The following IBTK variants were observed in gnomAD, a reference collection of about 807,000 sequenced individuals.
IBTK encodes inhibitor of Bruton tyrosine kinase.
Under a neutral mutation model 154.9 loss-of-function variants are expected in IBTK, and 83 were observed. The ratio of observed to expected loss-of-function variants is 0.54; its 90% CI spans 0.45 to 0.64. The LOEUF is 0.64. Among genes scored for constraint, IBTK ranks in the 30% least tolerant of loss-of-function variants. The pLI, the probability that IBTK is intolerant of heterozygous loss-of-function variation, is 0.00. For synonymous variants in IBTK, 515 were observed against 536.1 expected, an observed-to-expected ratio of 0.96 and a Z score of 0.54; for missense variants, 1,332 against 1,584.6, an observed-to-expected ratio of 0.84 and a Z score of 2.71.
intron 25 of IBTK, among the ~76,000 whole-genome samples, chr6:82,189,608 AAC>A (rs1410136986): frequency 6.6e-6 from 1 of 152,168 alleles, no homozygotes; most frequent in African/African-American, 2.4e-5. Flanking sequence ...CCTGCAAGAC[AAC>A]AGTTAAAGAA....
At chr6:82,197,224 A>G (rs1769023933) in intron 21 of IBTK, among the ~76,000 whole-genome samples, 2 of 152,216 alleles carry the variant, frequency 1.3e-5, no homozygotes, top group African/African-American at 4.8e-5. Context: ...TAAAAGCTGT[A>G]TAATTGATTT....
rs1300866012 is a variant in IBTK at position 82,210,859 on chromosome 6, C to T, written c.2464G>A (p.Val822Ile). The change falls in exon 16 of 29, where the codon GTT (valine) becomes ATT (isoleucine). Residue 822 changes from valine (V) to isoleucine (I), a missense_variant. This residue lies in a region of IBTK where 1,134 missense variants were observed against 1,274.7 expected (regional missense o/e 0.89). Transcript: ENST00000306270. Reference sequence around the variant, plus strand: ...TCAGTATAGAGGTAGTCCAAAATAACTTTTAATATATCAGAATGTATTGGC... The same window carrying T: ...TCAGTATAGAGGTAGTCCAAAATAATTTTTAATATATCAGAATGTATTGGC... Reference protein sequence around the residue: ...EMPIHSDILKVILDYLYTDEA... With the variant: ...EMPIHSDILKIILDYLYTDEA... 2.5e-6 allele frequency: 4 copies of T among 1,579,720 alleles called. No individual in the cohort carries two copies. The highest frequency in any genetic ancestry group is 1.2e-5 in the South Asian group (1 of 85,082).
chr6:82,188,806 G>A (rs539745475), intron 25 of IBTK, among the ~76,000 whole-genome samples: 69 of 152,262 alleles, frequency 4.5e-4, no homozygotes, highest in Non-Finnish European at 9.6e-4. Flanking sequence ...GAGGCAGGCA[G>A]ATCACTTGAG....
chr6:82,176,747 T>C (rs1440326520), intron 26 of IBTK, among the ~76,000 whole-genome samples: 1 of 152,238 alleles, frequency 6.6e-6, no homozygotes, highest in African/African-American at 2.4e-5. Context: ...AATCACATTT[T>C]CTAGAACTAA....
rs1770329889 is a variant in IBTK, at chr6:82,227,213, A to G, written c.633T>C (p.His211=). The G allele has an allele frequency of 6.2e-7, 1 of 1,610,714 alleles. No homozygotes were observed. Among genetic ancestry groups the G allele is most frequent in the African/African-American group, 1.3e-5 (1 of 74,820 alleles). Residue 211 remains histidine, a synonymous_variant, in exon 5 of 29, where the codon CAT becomes CAC. Transcript: ENST00000306270. ...CGHGPGGRLG[H]GDEQTCLVPR... ...TTACCAAGCATGTCTGTTCATCTCCATGTCCTAATCGCCCTCCAGGACCAT... is the reference window on the plus strand; with the variant it reads ...TTACCAAGCATGTCTGTTCATCTCCGTGTCCTAATCGCCCTCCAGGACCAT...
In IBTK at chr6:82,237,661, G is replaced by GGTA. The variant is rs34696525; in HGVS notation, c.321+2502_321+2504dup. On this transcript the variant is annotated intron_variant, in intron 2 of 28. Transcript: ENST00000306270. ...AGTAGTAGTAGTAGAAGATAGTAGT[G>GGTA]GTAGTAGTAGTAGTAGTAGTAGTAG... is the stretch of plus-strand genomic sequence containing the variant. Among the ~76,000 whole-genome samples the GGTA allele has an allele frequency of 7.9e-3, 1,136 of 143,650 alleles. 10 individuals are homozygous for GGTA. Among genetic ancestry groups the GGTA allele is most frequent in the Middle Eastern group, 0.026 (7 of 272 alleles). 94.2% of individuals were successfully genotyped at this position (143,650 alleles called of 152,430 possible). A position where few individuals can be genotyped will look rare whatever the true frequency, so the allele number is the denominator to read the frequency against.
chr6:82,217,575 T>C (rs1056963099), intron 10 of IBTK, among the ~76,000 whole-genome samples: 3 of 152,128 alleles, frequency 2.0e-5, no homozygotes, highest in African/African-American at 4.8e-5. Context: ...ATAAAAGAAA[T>C]ACAAGTAAAT....
At chr6:82,176,521 C>CG (rs1768122284) in intron 26 of IBTK, among the ~76,000 whole-genome samples, 1 of 61,486 alleles carries the variant, frequency 1.6e-5, no homozygotes, top group African/African-American at 6.2e-5. Context: ...GAGTCCGTCT[C>CG]AAAAAAAAAA....
intron 1 of IBTK, among the ~76,000 whole-genome samples, chr6:82,243,003 A>G (rs1771010498): frequency 6.6e-6 from 1 of 152,152 alleles, no homozygotes; most frequent in Admixed American, 6.5e-5. Flanking sequence ...GCACTTTGGG[A>G]GGCCAAGGCA....
At chr6:82,243,941 G>T (rs1351235375) in intron 1 of IBTK, among the ~76,000 whole-genome samples, 2 of 152,164 alleles carry the variant, frequency 1.3e-5, no homozygotes, top group African/African-American at 4.8e-5. Flanking sequence ...CTATCATATA[G>T]AGAAAGCGGC....
At chr6:82,191,043 ATATTAAT>A in intron 25 of IBTK, 23 bp downstream of exon 25, 1 of 1,463,126 alleles carries the variant, frequency 6.8e-7, no homozygotes, top group South Asian at 1.4e-5. Flanking sequence ...GCACAAATCT[ATATTAAT>A]TTTAATAAAA....
At chr6:82,209,303 A>T (rs1261976654) in intron 16 of IBTK, among the ~76,000 whole-genome samples, 1 of 152,244 alleles carries the variant, frequency 6.6e-6, no homozygotes, top group African/African-American at 2.4e-5. Context: ...CTAATAGACA[A>T]GAGGTAAAAA....
At position 82,247,683 on chromosome 6, in the gene IBTK, C is replaced by A. The variant is rs1199246644; in HGVS notation, c.-479G>T. ...GGCGCCAGAGGGGCCAGTCCCCAGA[C>A]CCGGGTCAGTTCGGCAGGCGGCTGC... On this transcript the variant is annotated 5_prime_UTR_variant, in exon 1 of 29. Coordinates refer to ENST00000306270, the MANE Select transcript of IBTK (RefSeq NM_015525.4). 6.8e-5 allele frequency: 27 copies of A among 398,920 alleles called. No homozygotes were observed. In the East Asian group the frequency reaches 9.3e-4, roughly 14 times the overall value. The allele number at this position is 398,920 out of a possible 1,614,324, so 24.7% of individuals were successfully genotyped here.
chr6:82,225,663 A>T lies in IBTK; in HGVS notation c.655-16T>A, dbSNP rs1275125103. ...GCCGAGGGACCTACAAAATAAAATT[A>T]ACTTTAGTATACTACATTAACCATT... On this transcript the variant is annotated splice_polypyrimidine_tract_variant and intron_variant, in intron 5 of 28. Coordinates refer to ENST00000306270, the MANE Select transcript of IBTK (RefSeq NM_015525.4). 6.3e-7 allele frequency: 1 copy of T among 1,588,922 alleles called. No individual in the cohort carries two copies. The highest frequency in any genetic ancestry group is 1.4e-5 in the African/African-American group (1 of 69,858).
chr6:82,220,682 C>T lies in IBTK; in HGVS notation c.1156G>A (p.Gly386Arg). 1.3e-6 allele frequency: 2 copies of T among 1,597,924 alleles called. No individual in the cohort carries two copies. The highest frequency in any genetic ancestry group is 1.7e-6 in the Non-Finnish European group (2 of 1,174,546). Residue 386 changes from glycine to arginine, a missense_variant, in exon 9 of 29, where the codon GGG (glycine) becomes AGG (arginine). Physicochemically the swap from Gly to Arg is moderately radical, Grantham distance 125 (BLOSUM62 -2). Transcript: ENST00000306270. ...QLNLKKVLVSGGHMEYKVDPE... is the reference protein window; with the variant it reads ...QLNLKKVLVSRGHMEYKVDPE... ...TCAACCTTGTATTCCATATGACCCC[C>T]AGACACAAGAACTTTTTTCAAGTTC...
At chr6:82,175,135 T>C (rs994168564) in intron 26 of IBTK, 2 of 279,082 alleles carry the variant, frequency 7.2e-6, no homozygotes, top group Non-Finnish European at 1.4e-5. Flanking sequence ...CCAGAATACT[T>C]GGAAATAGTC....
chr6:82,229,925 T>C (rs1468235534), intron 4 of IBTK, among the ~76,000 whole-genome samples: 4 of 152,214 alleles, frequency 2.6e-5, no homozygotes, highest in African/African-American at 9.6e-5. Context: ...GCTTTTTTTG[T>C]TCAATTGCTG....
chr6:82,202,463 A>T (rs1293103320), intron 18 of IBTK, 65 bp downstream of exon 18: 1 of 843,020 alleles, frequency 1.2e-6, no homozygotes, highest in African/African-American at 1.7e-5. Flanking sequence ...ATCACTAATA[A>T]TATCTGCTAT....
chr6:82,232,504 A>G, intron 3 of IBTK, among the ~76,000 whole-genome samples: 1 of 152,228 alleles, frequency 6.6e-6, no homozygotes, highest in Non-Finnish European at 1.5e-5. Context: ...TTAGAAGATG[A>G]ATAAAGTCTT....
Sources: allele counts gnomAD v4.1 joint callset (sites outside exome capture counted in the v4.1 genomes callset), GRCh38; gene constraint gnomAD v4.1.1; regional missense constraint gnomAD v4.1.1; transcripts MANE v1.5; gene names NCBI Gene and HGNC (gene_info 2026-07-23, HGNC 2026-07-21).